Variants in BRAF observed in about 807,000 individuals in gnomAD.
The protein encoded by BRAF is serine/threonine-protein kinase B-raf.
A neutral mutation model predicts 104.6 loss-of-function variants in BRAF; 16 were observed. That is an observed-to-expected ratio of 0.15 (90% CI 0.10 to 0.23). The LOEUF (loss-of-function observed/expected upper bound fraction) is 0.23. Ranked by LOEUF, BRAF falls within the 10% of genes least tolerant of loss-of-function variation. BRAF has a pLI of 1.00. For missense variants in BRAF, 541 were observed against 937.3 expected, an observed-to-expected ratio of 0.58 and a Z score of 5.52; for synonymous variants, 310 against 341.6, an observed-to-expected ratio of 0.91 and a Z score of 1.02.
chr7:140,718,572 A>G (rs13220948), downstream of BRAF, among the ~76,000 whole-genome samples: 1,277 of 149,264 alleles, frequency 8.6e-3, 8 homozygotes, highest in Non-Finnish European at 0.013. Context: ...TTTTTAGTAG[A>G]GACAGTTTCA....
chr7:140,912,953 C>A (rs1817164659), intron 1 of BRAF, among the ~76,000 whole-genome samples: 1 of 152,220 alleles, frequency 6.6e-6, no homozygotes, highest in African/African-American at 2.4e-5. Context: ...CCCCTAGTCT[C>A]TACCTTGCCC....
chr7:140,843,511 C>T (rs1403812102), intron 2 of BRAF, among the ~76,000 whole-genome samples: 2 of 152,130 alleles, frequency 1.3e-5, no homozygotes, highest in Non-Finnish European at 2.9e-5. Flanking sequence ...TGCAGTTAAA[C>T]GCATTTATAA....
chr7:140,791,588 T>G, intron 8 of BRAF, among the ~76,000 whole-genome samples: 1 of 146,394 alleles, frequency 6.8e-6, no homozygotes, highest in East Asian at 2.0e-4. Context: ...GACATAAATA[T>G]GCTAATTACT....
At chr7:140,886,444 G>C (rs1274153059) in intron 1 of BRAF, among the ~76,000 whole-genome samples, 1 of 152,118 alleles carries the variant, frequency 6.6e-6, no homozygotes, top group Admixed American at 6.6e-5. Context: ...CTAGTACAGA[G>C]TGCAAGATCT....
intron 7 of BRAF, among the ~76,000 whole-genome samples, chr7:140,798,332 G>A (rs1033815649): frequency 1.6e-5 from 2 of 127,818 alleles, no homozygotes; most frequent in African/African-American, 5.8e-5. Flanking sequence ...ACGTGATCTC[G>A]GCCCGCTACA....
intron 3 of BRAF, among the ~76,000 whole-genome samples, chr7:140,827,771 G>A (rs2129057927): frequency 6.6e-6 from 1 of 152,332 alleles, no homozygotes; most frequent in South Asian, 2.1e-4. Flanking sequence ...AGGTTCTGTA[G>A]ATTACACTGT....
At chr7:140,811,275 A>G (rs1397858413) in intron 3 of BRAF, among the ~76,000 whole-genome samples, 1 of 152,206 alleles carries the variant, frequency 6.6e-6, no homozygotes, top group Non-Finnish European at 1.5e-5. Context: ...TGGCAGTAGC[A>G]TGCATAGCTT....
Position 140,783,043 on chromosome 7 carries a change from G to A in BRAF, c.1412C>T (p.Ser471Phe). 1 of 1,613,872 alleles carries A rather than the reference G, an allele frequency of 6.2e-7. No individual in the cohort carries two copies. Among genetic ancestry groups the A allele is most frequent in the Non-Finnish European group, 8.5e-7 (1 of 1,179,906 alleles). ...GPQRERKSSS[S>F]SEDRNRMKTL... ...TACCATTCGATTCCTGTCTTCTGAGGATGAAGATGACTTCCTTTCTCGCTG... is the reference window on the plus strand; with the variant it reads ...TACCATTCGATTCCTGTCTTCTGAGAATGAAGATGACTTCCTTTCTCGCTG... Residue 471 changes from serine (S) to phenylalanine (F), a missense_variant, in exon 11 of 20, where the codon TCC becomes TTC. Ser to Phe is a radical substitution (Grantham distance 155). This residue lies in a region of BRAF where 109 missense variants were observed against 143.9 expected (regional missense o/e 0.76). Coordinates refer to ENST00000644969, the MANE Select transcript of BRAF (RefSeq NM_001374258.1).
chr7:140,778,850 T>C (rs1031592432), intron 12 of BRAF, among the ~76,000 whole-genome samples: 1 of 152,148 alleles, frequency 6.6e-6, no homozygotes, highest in East Asian at 1.9e-4. Context: ...ACTGGACATA[T>C]GCATACCCTG....
intron 1 of BRAF, among the ~76,000 whole-genome samples, chr7:140,871,422 T>C (rs1811584452): frequency 6.6e-6 from 1 of 152,124 alleles, no homozygotes; most frequent in African/African-American, 2.4e-5. Flanking sequence ...CATACACATA[T>C]TGAGAAGAAG....
At position 140,835,200 on chromosome 7, in the gene BRAF, G is replaced by A. The variant is rs561059693; in HGVS notation, c.241-328C>T. 3.8e-4 allele frequency: 107 copies of A among 281,980 alleles called. 1 individual carries two copies. The South Asian group carries it at 4.8e-3, about 13-fold the overall frequency. The allele number at this position is 281,980 out of a possible 1,614,324, so 17.5% of individuals were successfully genotyped here. ...ATTTACCTTCCAAATCATGTCTAAC[G>A]TAAGATAAAACACTGTATCAAGGAA... On this transcript the variant is annotated intron_variant, in intron 2 of 19. Coordinates refer to ENST00000644969, the MANE Select transcript of BRAF (RefSeq NM_001374258.1).
intron 16 of BRAF, among the ~76,000 whole-genome samples, chr7:140,750,723 T>C (rs963314619): frequency 3.3e-5 from 5 of 152,142 alleles, no homozygotes; most frequent in Non-Finnish European, 7.4e-5. Flanking sequence ...GAGGCTGGTA[T>C]GGCAAAGGTA....
At chr7:140,830,702 T>C (rs555961464) in intron 3 of BRAF, among the ~76,000 whole-genome samples, 14 of 152,270 alleles carry the variant, frequency 9.2e-5, no homozygotes, top group African/African-American at 1.2e-4. Flanking sequence ...CACACCTATA[T>C]GATGAAGCTT....
At chr7:140,812,237 T>C (rs922673432) in intron 3 of BRAF, among the ~76,000 whole-genome samples, 2 of 150,706 alleles carry the variant, frequency 1.3e-5, no homozygotes, top group African/African-American at 4.9e-5. Flanking sequence ...GAGAATCTAA[T>C]GAAAGCCTCA....
chr7:140,763,507 G>A (rs1798998803), intron 14 of BRAF, among the ~76,000 whole-genome samples: 1 of 152,238 alleles, frequency 6.6e-6, no homozygotes, highest in Admixed American at 6.5e-5. Context: ...TGGCCCAGGA[G>A]CTGGTTTTTT....
intron 7 of BRAF, among the ~76,000 whole-genome samples, chr7:140,795,452 T>C (rs1802403520): frequency 6.6e-6 from 1 of 152,228 alleles, no homozygotes; most frequent in Non-Finnish European, 1.5e-5. Flanking sequence ...CATTCCACCC[T>C]ATTTTATGCA....
chr7:140,880,821 T>A (rs1812814154), intron 1 of BRAF, among the ~76,000 whole-genome samples: 1 of 147,902 alleles, frequency 6.8e-6, no homozygotes, highest in South Asian at 2.1e-4. Context: ...AAAAAAAAAA[T>A]TAGCTGGGCA....
chr7:140,850,052 T>G, intron 2 of BRAF, 59 bp downstream of exon 2: 1 of 1,252,320 alleles, frequency 8.0e-7, no homozygotes, highest in Non-Finnish European at 1.2e-6. Context: ...GTACAAATGT[T>G]TTTATAAGTT....
At chr7:140,896,890 G>C (rs542056950) in intron 1 of BRAF, among the ~76,000 whole-genome samples, 23 of 149,818 alleles carry the variant, frequency 1.5e-4, no homozygotes, top group Admixed American at 8.6e-4. Flanking sequence ...AAAGGGGTGG[G>C]GGGGGAAGAG....
Sources: allele counts gnomAD v4.1 joint callset (sites outside exome capture counted in the v4.1 genomes callset), GRCh38; gene constraint gnomAD v4.1.1; regional missense constraint gnomAD v4.1.1; transcripts MANE v1.5; gene names NCBI Gene and HGNC (gene_info 2026-07-23, HGNC 2026-07-21).